Variants in TYW1 observed in about 807,000 individuals in gnomAD.
TYW1 encodes S-adenosyl-L-methionine-dependent tRNA 4-demethylwyosine synthase TYW1.
In TYW1, 46 loss-of-function variants were observed where a neutral mutation model predicts 96.2. The observed-to-expected ratio is 0.48, with a 90% confidence interval of 0.38 to 0.61. TYW1 has a LOEUF of 0.61. Among genes scored for constraint, TYW1 ranks in the 20% least tolerant of loss-of-function variants. The pLI is 0.00. For synonymous variants in TYW1, 274 were observed against 323.0 expected, an observed-to-expected ratio of 0.85 and a Z score of 1.63; for missense variants, 684 against 909.6, an observed-to-expected ratio of 0.75 and a Z score of 3.19.
At chr7:67,074,321 T>G (rs563466510) in intron 10 of TYW1, among the ~76,000 whole-genome samples, 3 of 152,274 alleles carry the variant, frequency 2.0e-5, no homozygotes, top group African/African-American at 7.2e-5. Flanking sequence ...AATCTCTTCT[T>G]AAGATTGTTG....
At chr7:67,216,025 A>G (rs1254383742) in intron 15 of TYW1, among the ~76,000 whole-genome samples, 2 of 152,004 alleles carry the variant, frequency 1.3e-5, no homozygotes, top group African/African-American at 2.4e-5. Context: ...ATCAAAGTTG[A>G]CACTCAATAT....
At chr7:67,179,479 T>A (rs1799771997) in intron 13 of TYW1, among the ~76,000 whole-genome samples, 2 of 134,772 alleles carry the variant, frequency 1.5e-5, no homozygotes, top group Admixed American at 1.5e-4. Context: ...CTGTGTAACT[T>A]CAGGCAATTT....
Position 67,230,466 on chromosome 7 carries a change from AC to A in TYW1, c.1978-7841del. Among the ~76,000 whole-genome samples, 3 of 151,840 alleles carry A rather than the reference AC, an allele frequency of 2.0e-5. No homozygotes were observed. The South Asian group carries it at 6.3e-4, about 32-fold the overall frequency. ...CAAGTTTATTAAAAAACAAAACAAA[AC>A]AAAAAAGCAGCAGTTCCTTGTACCC... On this transcript the variant is annotated intron_variant, in intron 15 of 15. Coordinates refer to ENST00000359626, the MANE Select transcript of TYW1 (RefSeq NM_018264.4).
intron 15 of TYW1, among the ~76,000 whole-genome samples, chr7:67,211,083 C>T (rs1026331735): frequency 6.6e-6 from 1 of 151,026 alleles, no homozygotes; most frequent in Non-Finnish European, 1.5e-5. Flanking sequence ...CTCAAATTGT[C>T]CCAGCTTTGG....
chr7:67,033,484 C>T (rs12540243), intron 7 of TYW1, among the ~76,000 whole-genome samples: 46,144 of 152,004 alleles, frequency 0.3, 7,294 homozygotes, highest in East Asian at 0.53. Flanking sequence ...CCTCTGAGGG[C>T]GGGGGATACA....
chr7:67,001,604 T>A (rs1487385791), intron 3 of TYW1, among the ~76,000 whole-genome samples: 1 of 151,528 alleles, frequency 6.6e-6, no homozygotes, highest in Non-Finnish European at 1.5e-5. Flanking sequence ...GTATTTTTAG[T>A]AGAGATGGGG....
intron 13 of TYW1, among the ~76,000 whole-genome samples, chr7:67,164,264 C>T (rs921103685): frequency 1.3e-5 from 2 of 151,784 alleles, no homozygotes; most frequent in Admixed American, 6.6e-5. Flanking sequence ...TGCCATGCTG[C>T]ATGTATAAGT....
At chr7:67,041,207 C>T (rs1182831324) in intron 7 of TYW1, among the ~76,000 whole-genome samples, 2 of 152,122 alleles carry the variant, frequency 1.3e-5, no homozygotes, top group Non-Finnish European at 2.9e-5. Context: ...TCAAATAGAT[C>T]TTGTTTTCGA....
At chr7:67,003,601 C>T (rs1054437655) in intron 3 of TYW1, among the ~76,000 whole-genome samples, 2 of 151,698 alleles carry the variant, frequency 1.3e-5, no homozygotes, top group Non-Finnish European at 1.5e-5. Flanking sequence ...TTATTCTTGC[C>T]TACAAAGGTT....
intron 15 of TYW1, among the ~76,000 whole-genome samples, chr7:67,232,361 G>A (rs1258305545): frequency 2.0e-5 from 3 of 151,770 alleles, no homozygotes; most frequent in Non-Finnish European, 2.9e-5. Flanking sequence ...CCAACATGGT[G>A]CAACCCCATC....
intron 9 of TYW1, among the ~76,000 whole-genome samples, chr7:67,063,667 G>C (rs59540627): frequency 0.24 from 36,927 of 151,582 alleles, 4,780 homozygotes; most frequent in African/African-American, 0.32. Flanking sequence ...GTAGTGGCGC[G>C]ATCTCGGCTC....
chr7:66,997,216 C>G (rs1252829960), intron 1 of TYW1, among the ~76,000 whole-genome samples: 1 of 152,128 alleles, frequency 6.6e-6, no homozygotes, highest in Non-Finnish European at 1.5e-5. Context: ...ACTTTACCTA[C>G]GTGTATTAGG....
rs151185259 is a variant in TYW1, at chr7:67,024,228, C to T, written c.862-672C>T. Among the ~76,000 whole-genome samples, 592 of 152,220 alleles carry T rather than the reference C, an allele frequency of 3.9e-3. 3 individuals carry two copies. The highest frequency in any genetic ancestry group is 0.013 in the African/African-American group (548 of 41,546). On this transcript the variant is annotated intron_variant, in intron 6 of 15. Transcript: ENST00000359626. ...TGTTTTTGTAGAGATGAGGGTTTCACTATGTTGCCCAGGCTGGTCTTGAAC... is the reference window on the plus strand; with the variant it reads ...TGTTTTTGTAGAGATGAGGGTTTCATTATGTTGCCCAGGCTGGTCTTGAAC...
intron 13 of TYW1, among the ~76,000 whole-genome samples, chr7:67,173,884 G>T (rs12538144): frequency 0.044 from 6,082 of 138,054 alleles, 605 homozygotes; most frequent in East Asian, 0.071. Flanking sequence ...ATATGATCAC[G>T]TGATTTTCCT....
chr7:67,071,401 A>G (rs1431779230), intron 10 of TYW1, among the ~76,000 whole-genome samples: 1 of 150,718 alleles, frequency 6.6e-6, no homozygotes, highest in Non-Finnish European at 1.5e-5. Context: ...AAAAAAAAAA[A>G]GCTTCTCCCA....
chr7:67,119,754 TCTAGCATAGTACACTTTAAGGTATTTG>T (rs1797704098), intron 13 of TYW1, among the ~76,000 whole-genome samples: 2 of 152,138 alleles, frequency 1.3e-5, no homozygotes, highest in Admixed American at 1.3e-4. Flanking sequence ...CTGCACAATG[TCTAGCATAGTACACTTTAAGGTATTTG>T]ATAAATGCTT....
At chr7:67,170,939 A>G (rs535089146) in intron 13 of TYW1, among the ~76,000 whole-genome samples, 1 of 151,818 alleles carries the variant, frequency 6.6e-6, no homozygotes, top group East Asian at 1.9e-4. Flanking sequence ...GGCCTCGGAG[A>G]AGGAGGTGTG....
intron 12 of TYW1, among the ~76,000 whole-genome samples, chr7:67,102,871 G>T (rs935507425): frequency 2.6e-5 from 4 of 152,060 alleles, no homozygotes; most frequent in South Asian, 4.1e-4. Context: ...GGATGGTCTC[G>T]ATCTCCTGAC....
chr7:67,051,069 A>T lies in TYW1; in HGVS notation c.1102+1003A>T, dbSNP rs79738075. 4.5e-3 allele frequency among the ~76,000 whole-genome samples: 683 copies of T among 151,992 alleles called. 5 individuals are homozygous for T. The highest frequency in any genetic ancestry group is 0.016 in the African/African-American group (654 of 41,488). On this transcript the variant is annotated intron_variant, in intron 8 of 15. Coordinates refer to ENST00000359626, the MANE Select transcript of TYW1 (RefSeq NM_018264.4). ...ACCATGCTCAGCTAATTTTTTTGCC[A>T]TGTTGGCCATGCTGGTCTTGAACTC...
Sources: gnomAD v4.1 joint callset for allele counts (sites outside exome capture counted in the v4.1 genomes callset) on GRCh38, gnomAD v4.1.1 for gene constraint, MANE v1.5 for transcripts, NCBI Gene and HGNC (gene_info 2026-07-23, HGNC 2026-07-21) for gene names.